Variants in ZNF519 observed in about 807,000 individuals in gnomAD.
The protein encoded by ZNF519 is similar to Zinc finger protein 85 (Zinc finger protein HPF4) (HTF1).
In ZNF519, 7 loss-of-function variants were observed where a neutral mutation model predicts 7.4. The ratio of observed to expected loss-of-function variants is 0.94; its 90% CI spans 0.54 to 1.77. The LOEUF is 1.77. Among genes scored for constraint, ZNF519 ranks in the 40% most tolerant of loss-of-function variants. The pLI is 0.00. For missense variants in ZNF519, 586 were observed against 623.1 expected, an observed-to-expected ratio of 0.94 and a Z score of 0.63; for synonymous variants, 179 against 203.3, an observed-to-expected ratio of 0.88 and a Z score of 1.02.
intron 2 of ZNF519, among the ~76,000 whole-genome samples, chr18:14,119,260 T>A (rs1340506567): frequency 6.6e-6 from 1 of 152,096 alleles, no homozygotes; most frequent in African/African-American, 2.4e-5. Flanking sequence ...CAAAAGGAGA[T>A]CTTTACCTGC....
intron 1 of ZNF519, among the ~76,000 whole-genome samples, chr18:14,129,947 T>C (rs996958025): frequency 1.3e-5 from 2 of 152,132 alleles, no homozygotes; most frequent in Admixed American, 6.5e-5. Context: ...AAGAGATGCA[T>C]AGGGCAAGAA....
At chr18:14,092,254 C>T (rs991446822) in intron 2 of ZNF519, among the ~76,000 whole-genome samples, 1 of 152,000 alleles carries the variant, frequency 6.6e-6, no homozygotes, top group African/African-American at 2.4e-5. Flanking sequence ...GATAAGGGGT[C>T]AGGCCTCCAT....
At chr18:14,130,070 C>G (rs2046322196) in intron 1 of ZNF519, among the ~76,000 whole-genome samples, 1 of 152,054 alleles carries the variant, frequency 6.6e-6, no homozygotes, top group Non-Finnish European at 1.5e-5. Context: ...GACACCCTTC[C>G]CATTGTGACT....
chr18:14,080,615 C>T (rs888071850), intron 3 of ZNF519, among the ~76,000 whole-genome samples: 1 of 152,060 alleles, frequency 6.6e-6, no homozygotes, highest in South Asian at 2.1e-4. Flanking sequence ...CCACCGTGCC[C>T]GGCTGGCAAT....
intron 2 of ZNF519, among the ~76,000 whole-genome samples, chr18:14,116,136 A>T (rs923532838): frequency 6.6e-6 from 1 of 152,204 alleles, no homozygotes; most frequent in Non-Finnish European, 1.5e-5. Context: ...AGAAATCAAA[A>T]GCAGAAGCAA....
chr18:14,093,840 T>C (rs944892677), intron 2 of ZNF519, among the ~76,000 whole-genome samples: 4 of 152,234 alleles, frequency 2.6e-5, no homozygotes, highest in Non-Finnish European at 5.9e-5. Context: ...CTTGGCTACC[T>C]GTTACAGGAG....
chr18:14,094,833 C>T lies in ZNF519; in HGVS notation c.131-9757G>A, dbSNP rs577742284. On this transcript the variant is annotated intron_variant and NMD_transcript_variant, in intron 2 of 4. Transcript: ENST00000587419. Reference sequence around the variant, plus strand: ...TGTTTGATTGATTCTGTTGTTGATGCCCCCAGATGCATTTTTATTTTGTTC... The same window carrying T: ...TGTTTGATTGATTCTGTTGTTGATGTCCCCAGATGCATTTTTATTTTGTTC... Among the ~76,000 whole-genome samples, 20 of 152,018 alleles carry T rather than the reference C, an allele frequency of 1.3e-4. No homozygotes were observed. In the East Asian group the frequency reaches 3.7e-3, roughly 28 times the overall value.
downstream of ZNF519, chr18:14,074,456 G>A (rs1036827423): frequency 6.5e-6 from 1 of 153,792 alleles, no homozygotes; most frequent in African/African-American, 2.4e-5. Context: ...AGGACTTCAG[G>A]AGGTATTGAT....
At chr18:14,076,499 T>G (rs1486617322) in exon 5 of ZNF519, 1 of 152,180 alleles carries the variant, frequency 6.6e-6, no homozygotes, top group Non-Finnish European at 1.5e-5. Context: ...AATAAAATAT[T>G]GCAGAGGAGA....
chr18:14,105,826 T>A lies in ZNF519; in HGVS notation c.714A>T (p.Arg238Ser), dbSNP rs777155284. ...AGACTATTATACATTTTTTATTACA[T>A]CTTTGTGAGCTCTCTCCAATATAAA... ...QRIYIGESSQ[R>S]CNKKCIIVFS... The change falls in exon 3 of 3, where the codon AGA (arginine) becomes AGT (serine). Residue 238 changes from arginine (R) to serine (S), a missense_variant. By Grantham distance (110) the Arg-to-Ser change is moderately radical. Coordinates refer to ENST00000590202, the MANE Select transcript of ZNF519 (RefSeq NM_145287.4). 7 of 1,602,780 alleles carry A rather than the reference T, an allele frequency of 4.4e-6. No individual in the cohort carries two copies. The highest frequency in any genetic ancestry group is 5.9e-6 in the Non-Finnish European group (7 of 1,176,724).
At chr18:14,078,659 A>G (rs570464059) in intron 3 of ZNF519, among the ~76,000 whole-genome samples, 1 of 152,304 alleles carries the variant, frequency 6.6e-6, no homozygotes, top group East Asian at 1.9e-4. Flanking sequence ...TAATTGTGAA[A>G]GTTTTAAATA....
At chr18:14,092,019 C>A (rs1416426782) in intron 2 of ZNF519, among the ~76,000 whole-genome samples, 1 of 152,016 alleles carries the variant, frequency 6.6e-6, no homozygotes, top group East Asian at 1.9e-4. Context: ...AATTTCATTT[C>A]AATTTAAAAG....
At chr18:14,089,559 T>TAA (rs1470260422) in intron 2 of ZNF519, among the ~76,000 whole-genome samples, 256 of 151,784 alleles carry the variant, frequency 1.7e-3, no homozygotes, top group Non-Finnish European at 3.1e-3. Flanking sequence ...GTTGAAAAAA[T>TAA]AATGTATGTT....
chr18:14,083,725 C>A (rs1380038914), intron 3 of ZNF519, among the ~76,000 whole-genome samples: 3 of 152,138 alleles, frequency 2.0e-5, no homozygotes, highest in African/African-American at 7.2e-5. Context: ...ATCAATAGTA[C>A]TTTTGGGCCA....
chr18:14,089,802 G>A (rs1433210151), intron 2 of ZNF519: 1 of 152,132 alleles, frequency 6.6e-6, no homozygotes, highest in Non-Finnish European at 1.5e-5. Flanking sequence ...CAGTAATGGA[G>A]ATAGGCCTAT....
intron 3 of ZNF519, among the ~76,000 whole-genome samples, chr18:14,078,634 T>C (rs1231821654): frequency 1.3e-5 from 2 of 152,180 alleles, no homozygotes; most frequent in African/African-American, 4.8e-5. Flanking sequence ...TTCAGATGTA[T>C]TGAACATATG....
chr18:14,082,605 A>AAT (rs1230380382), intron 3 of ZNF519: 1 of 152,130 alleles, frequency 6.6e-6, no homozygotes, highest in Non-Finnish European at 1.5e-5. Context: ...CCACAAAACA[A>AAT]ATATATATAT....
intron 2 of ZNF519, among the ~76,000 whole-genome samples, chr18:14,121,013 A>T (rs1419174841): frequency 1.3e-5 from 2 of 151,978 alleles, no homozygotes; most frequent in Non-Finnish European, 2.9e-5. Context: ...GCCATAAGAG[A>T]AGGAAATCTA....
downstream of ZNF519, chr18:14,073,523 G>T (rs1159489001): frequency 2.0e-5 from 3 of 152,138 alleles, no homozygotes. Flanking sequence ...TGCCTGCCTT[G>T]GCCTCCCAAA....
Sources: allele counts gnomAD v4.1 joint callset (sites outside exome capture counted in the v4.1 genomes callset), GRCh38; gene constraint gnomAD v4.1.1; transcripts MANE v1.5; gene names NCBI Gene and HGNC (gene_info 2026-07-23, HGNC 2026-07-21).